The following CHMP6 variants were observed in gnomAD, a reference collection of about 807,000 sequenced individuals.
CHMP6 encodes charged multivesicular body protein 6.
In CHMP6, 10 loss-of-function variants were observed where a neutral mutation model predicts 32.8. The observed-to-expected ratio is 0.30, with a 90% CI of 0.19 to 0.52. The LOEUF (loss-of-function observed/expected upper bound fraction) is 0.52, where lower values mean the gene tolerates loss of function less well. Among genes scored for constraint, CHMP6 ranks in the 20% least tolerant of loss-of-function variants. The pLI is 0.97. For missense variants in CHMP6, 269 were observed against 263.8 expected (o/e 1.02, Z -0.14); for synonymous variants, 123 against 105.8 (o/e 1.16, Z -1.00).
At chr17:80,994,552 G>A in intron 1 of CHMP6, 29 bp from the exon 2 acceptor site, 2 of 1,541,704 alleles carry the variant, frequency 1.3e-6, no homozygotes, top group Non-Finnish European at 1.8e-6. Flanking sequence ...TGTGGGCTCG[G>A]TGACGCCAGG....
rs369632878 is a variant in CHMP6, at chr17:80,995,621, G to T, written c.262-51G>T. On this transcript the variant is annotated intron_variant, in intron 3 of 7. Coordinates refer to ENST00000325167, the MANE Select transcript of CHMP6 (RefSeq NM_024591.5). ...CTGAACCCTGCCCCAGGGCCGGGAG[G>T]AGGGCACCCCGGATCCTCAGCACCT... The T allele has an allele frequency of 3.7e-5, 57 of 1,555,112 alleles. No homozygotes were observed. The African/African-American group carries it at 7.3e-4, about 20-fold the overall frequency.
rs368467380 is a variant in CHMP6 at position 80,995,768 on chromosome 17, T to C, written c.348+10T>C. 2 of 1,609,140 alleles carry C rather than the reference T, an allele frequency of 1.2e-6. No individual in the cohort carries two copies. The highest frequency in any genetic ancestry group is 2.7e-5 in the African/African-American group (2 of 74,786). ...GAACAAGATGCACCAGGTGAGTCTC[T>C]GCAGGGCCAGGGGCATGGAGGTGTG... On this transcript the variant is annotated intron_variant, in intron 4 of 7. Coordinates refer to ENST00000325167, the MANE Select transcript of CHMP6 (RefSeq NM_024591.5).
chr17:80,993,570 C>G (rs1034802733), intron 1 of CHMP6, among the ~76,000 whole-genome samples: 5 of 152,254 alleles, frequency 3.3e-5, no homozygotes, highest in Non-Finnish European at 7.3e-5. Context: ...CCTGACTGAG[C>G]TAATTCTCCT....
Position 80,997,651 on chromosome 17 carries a change from A to T in CHMP6, c.495+310A>T, listed in dbSNP as rs2144152483. Among the ~76,000 whole-genome samples the T allele has an allele frequency of 2.0e-5, 3 of 151,430 alleles. 1 individual carries two copies. On this transcript the variant is annotated intron_variant, in intron 6 of 7. Coordinates refer to ENST00000325167, the MANE Select transcript of CHMP6 (RefSeq NM_024591.5). ...TGGCTTTCCCCAGCCGTGGCTGCTG[A>T]CTCACGTCCCACATAGGCCCTCGCT...
At chr17:80,998,067 C>T (rs571159638) in intron 6 of CHMP6, among the ~76,000 whole-genome samples, 1 of 152,330 alleles carries the variant, frequency 6.6e-6, no homozygotes, top group South Asian at 2.1e-4. Context: ...ACCCCTCGGT[C>T]CCTGAGAGCC....
At chr17:80,996,412 C>T (rs905069328) in intron 4 of CHMP6, among the ~76,000 whole-genome samples, 17 of 152,140 alleles carry the variant, frequency 1.1e-4, no homozygotes, top group Admixed American at 9.2e-4. Flanking sequence ...GGCCATACCA[C>T]GTTCCCCCAC....
chr17:80,996,551 G>A (rs1250422622), intron 4 of CHMP6, among the ~76,000 whole-genome samples: 2 of 152,240 alleles, frequency 1.3e-5, no homozygotes, highest in Non-Finnish European at 2.9e-5. Context: ...GTGTGTGCCG[G>A]TCAAGCACAA....
chr17:80,992,152 C>G (rs1056478440), intron 1 of CHMP6, among the ~76,000 whole-genome samples, 171 bp downstream of exon 1: 4 of 151,316 alleles, frequency 2.6e-5, no homozygotes, highest in Non-Finnish European at 4.4e-5. Flanking sequence ...TCCCTCCTCG[C>G]CCGCGGGGCC....
intron 1 of CHMP6, 32 bp from the exon 2 acceptor site, chr17:80,994,549 T>G (rs943302593): frequency 6.6e-7 from 1 of 1,516,320 alleles, no homozygotes; most frequent in Admixed American, 2.1e-5. Flanking sequence ...CAGTGTGGGC[T>G]CGGTGACGCC....
chr17:80,993,788 G>T (rs1482963000), intron 1 of CHMP6, among the ~76,000 whole-genome samples: 9 of 152,256 alleles, frequency 5.9e-5, no homozygotes, highest in Non-Finnish European at 1.2e-4. Flanking sequence ...TTGGCAAAGG[G>T]GCAGGGAAGC....
intron 3 of CHMP6, 80 bp from the exon 4 acceptor site, chr17:80,995,592 C>T (rs886718058): frequency 7.9e-7 from 1 of 1,267,868 alleles, no homozygotes; most frequent in East Asian, 2.3e-5. Flanking sequence ...GCAAGGGTGT[C>T]ATCCTGAACC....
Position 80,999,227 on chromosome 17 carries a change from G to C in CHMP6, c.*74G>C. On this transcript the variant is annotated 3_prime_UTR_variant, in exon 8 of 8. Coordinates refer to ENST00000325167, the MANE Select transcript of CHMP6 (RefSeq NM_024591.5). Reference sequence around the variant, plus strand: ...CCACAGAGAGTTTGGGTCACGGCCAGCCCCTGACCGGGTTCCCTGGAGCCC... The same window carrying C: ...CCACAGAGAGTTTGGGTCACGGCCACCCCCTGACCGGGTTCCCTGGAGCCC... The C allele has an allele frequency of 3.8e-6, 6 of 1,570,870 alleles. No individual in the cohort carries two copies. The highest frequency in any genetic ancestry group is 1.8e-6 in the Non-Finnish European group (2 of 1,142,760).
At chr17:80,997,673 C>T (rs941614429) in intron 6 of CHMP6, among the ~76,000 whole-genome samples, 4 of 152,034 alleles carry the variant, frequency 2.6e-5, no homozygotes, top group Admixed American at 6.5e-5. Context: ...CATAGGCCCT[C>T]GCTGCGGGGG....
At position 80,991,880 on chromosome 17, in the gene CHMP6, T is replaced by G. The variant is rs2069594483; in HGVS notation, c.-39T>G. ...GGTGGCCGCGGGGCGGCGGTGGCGA[T>G]TGGACTTGGTGGGTCCCGGGCCAGG... is the stretch of plus-strand genomic sequence containing the variant. On this transcript the variant is annotated 5_prime_UTR_variant, in exon 1 of 8. Coordinates refer to ENST00000325167, the MANE Select transcript of CHMP6 (RefSeq NM_024591.5). 5.1e-6 allele frequency: 7 copies of G among 1,369,374 alleles called. No homozygotes were observed. Among genetic ancestry groups the G allele is most frequent in the Non-Finnish European group, 4.8e-6 (5 of 1,047,890 alleles). The allele number at this position is 1,369,374 out of a possible 1,614,324, so 84.8% of individuals were successfully genotyped here.
intron 3 of CHMP6, among the ~76,000 whole-genome samples, 190 bp downstream of exon 3, chr17:80,995,296 C>G (rs1471844789): frequency 1.3e-5 from 2 of 152,104 alleles, no homozygotes; most frequent in East Asian, 3.9e-4. Context: ...TCTTAAGAGG[C>G]TGGGGGGCAG....
At chr17:80,992,003 CAG>C in intron 1 of CHMP6, 22 bp downstream of exon 1, 1 of 1,405,572 alleles carries the variant, frequency 7.1e-7, no homozygotes, top group Non-Finnish European at 9.4e-7. Context: ...GGCCCGGGGT[CAG>C]GGCTGGGGCC....
rs112651075 is a variant in CHMP6, at chr17:80,998,208, G to C, written c.496-158G>C. Among the ~76,000 whole-genome samples the C allele has an allele frequency of 1.7e-3, 257 of 152,320 alleles. 2 individuals are homozygous for C. The highest frequency in any genetic ancestry group is 4.4e-3 in the East Asian group (23 of 5,176). On this transcript the variant is annotated intron_variant, in intron 6 of 7. Coordinates refer to ENST00000325167, the MANE Select transcript of CHMP6 (RefSeq NM_024591.5). The stretch of plus-strand genomic sequence containing the variant: ...GATTCTGGTGGCACCAGAAGCCGGG[G>C]CGGTTGCAGACTTGGGTCTTCTGAG...
At chr17:80,996,227 G>A (rs1299478319) in intron 4 of CHMP6, among the ~76,000 whole-genome samples, 1 of 152,182 alleles carries the variant, frequency 6.6e-6, no homozygotes, top group Middle Eastern at 3.4e-3. Flanking sequence ...GGCTGAGGCA[G>A]GAGAATCTCT....
Position 80,995,652 on chromosome 17 carries a change from T to G in CHMP6, c.262-20T>G. 6.2e-7 allele frequency: 1 copy of G among 1,612,076 alleles called. No individual in the cohort carries two copies. Among genetic ancestry groups the G allele is most frequent in the Non-Finnish European group, 8.5e-7 (1 of 1,178,200 alleles). On this transcript the variant is annotated intron_variant, in intron 3 of 7. Coordinates refer to ENST00000325167, the MANE Select transcript of CHMP6 (RefSeq NM_024591.5). ...ACCCCGGATCCTCAGCACCTGCGTC[T>G]GCTCTGGTTTCCTTTTCAGGTTCAG...
Sources: allele counts gnomAD v4.1 joint callset (sites outside exome capture counted in the v4.1 genomes callset), GRCh38; gene constraint gnomAD v4.1.1; transcripts MANE v1.5; gene names NCBI Gene and HGNC (gene_info 2026-07-23, HGNC 2026-07-21).